The following RGS5 variants were observed in gnomAD, a reference collection of about 807,000 sequenced individuals.
The protein encoded by RGS5 is regulator of G-protein signalling 5.
In RGS5, 20 loss-of-function variants were observed where a neutral mutation model predicts 18.9. That is an observed-to-expected ratio of 1.06 (90% CI 0.74 to 1.54). The LOEUF (loss-of-function observed/expected upper bound fraction) is 1.54. RGS5 is among the 40% of genes most tolerant of loss of function. The pLI, the probability that RGS5 is intolerant of heterozygous loss-of-function variation, is 0.00. For synonymous variants in RGS5, 57 were observed against 76.2 expected (o/e 0.75, Z 1.31); for missense variants, 201 against 211.8 (o/e 0.95, Z 0.32).
Position 163,147,143 on chromosome 1 carries a change from T to C in RGS5, c.*199A>G. 2.4e-6 allele frequency: 1 copy of C among 414,584 alleles called. No individual in the cohort carries two copies. The highest frequency in any genetic ancestry group is 4.2e-6 in the Non-Finnish European group (1 of 238,496). 25.7% of individuals were successfully genotyped at this position (414,584 alleles called of 1,614,324 possible). ...TAATAACAGGGCAGGAAGAATTGAG[T>C]GGGGAAAGAAGGCCTTCGGACAGTA... On this transcript the variant is annotated 3_prime_UTR_variant, in exon 5 of 5. Transcript: ENST00000313961.
chr1:163,268,433 G>A lies in RGS5; in HGVS notation c.-281+37800C>T, dbSNP rs1429599497. ...CTCTGTTGACTATGTCTTATTTTCT[G>A]TATTCTTGATGCTCTTGCATTTAAG... is the stretch of plus-strand genomic sequence containing the variant. On this transcript the variant is annotated intron_variant, in intron 2 of 5. Transcript: ENST00000618415. 1.3e-5 allele frequency among the ~76,000 whole-genome samples: 2 copies of A among 152,042 alleles called. 1 individual carries two copies.
At chr1:163,290,403 T>C (rs749557075) in intron 2 of RGS5, among the ~76,000 whole-genome samples, 1 of 152,334 alleles carries the variant, frequency 6.6e-6, no homozygotes, top group Admixed American at 6.5e-5. Flanking sequence ...ACAAACAATA[T>C]CTGACCATTG....
At chr1:163,173,884 G>A (rs912780182) in intron 1 of RGS5, among the ~76,000 whole-genome samples, 2 of 152,192 alleles carry the variant, frequency 1.3e-5, no homozygotes, top group East Asian at 3.9e-4. Flanking sequence ...GACCAGCCTG[G>A]CCAAGATGGT....
At chr1:163,252,805 T>C (rs1181564076) in intron 2 of RGS5, among the ~76,000 whole-genome samples, 1 of 152,180 alleles carries the variant, frequency 6.6e-6, no homozygotes, top group Non-Finnish European at 1.5e-5. Flanking sequence ...AATGCCATTA[T>C]ATTGCTAACA....
At position 163,167,226 on chromosome 1, in the gene RGS5, A is replaced by G. The variant is rs148025814; in HGVS notation, c.155+1032T>C. ...CAATTTACACAAATATTCCATTTAA[A>G]AAGAGAAATGGAGGTTAAAGGGACT... On this transcript the variant is annotated intron_variant, in intron 2 of 4. Coordinates refer to ENST00000313961, the MANE Select transcript of RGS5 (RefSeq NM_003617.4). 5.5e-3 allele frequency among the ~76,000 whole-genome samples: 831 copies of G among 152,336 alleles called. 5 individuals are homozygous for G. The highest frequency in any genetic ancestry group is 0.019 in the African/African-American group (795 of 41,570).
intron 2 of RGS5, among the ~76,000 whole-genome samples, chr1:163,167,163 T>A (rs769490473): frequency 6.6e-6 from 1 of 152,180 alleles, no homozygotes; most frequent in African/African-American, 2.4e-5. Context: ...AATCCAGCTA[T>A]GGTAAGTTGA....
intron 2 of RGS5, among the ~76,000 whole-genome samples, chr1:163,266,022 C>T (rs115927366): frequency 0.017 from 2,636 of 152,214 alleles, 82 homozygotes; most frequent in African/African-American, 0.06. Flanking sequence ...AGCCCAACTG[C>T]CTACTGGACT....
rs140441654 is a variant in RGS5, at chr1:163,230,970, G to T, written c.-280-62602C>A. On this transcript the variant is annotated intron_variant, in intron 2 of 5. Transcript: ENST00000618415. Reference sequence around the variant, plus strand: ...TTTTCCCATTATTGATTATAAGATGGCAACACTAGACTTTAAATGGACTTT... The same window carrying T: ...TTTTCCCATTATTGATTATAAGATGTCAACACTAGACTTTAAATGGACTTT... 6.2e-4 allele frequency among the ~76,000 whole-genome samples: 94 copies of T among 151,940 alleles called. 1 individual carries two copies. The East Asian group carries it at 0.017, about 28-fold the overall frequency.
intron 2 of RGS5, among the ~76,000 whole-genome samples, chr1:163,222,754 G>A (rs1455574941): frequency 6.6e-6 from 1 of 152,154 alleles, no homozygotes; most frequent in South Asian, 2.1e-4. Flanking sequence ...TAAAGACAGG[G>A]GTTCTTTGTT....
At chr1:163,176,101 A>G (rs1177126400) in intron 1 of RGS5, among the ~76,000 whole-genome samples, 3 of 152,218 alleles carry the variant, frequency 2.0e-5, no homozygotes, top group Non-Finnish European at 4.4e-5. Context: ...ACGTTTATCT[A>G]TTATACCCTT....
intron 4 of RGS5, 82 bp downstream of exon 4, chr1:163,152,468 C>T (rs965903344): frequency 9.1e-6 from 13 of 1,424,584 alleles, no homozygotes; most frequent in African/African-American, 7.2e-5. Context: ...TGGCTCCCAA[C>T]GGGAGGTCTG....
chr1:163,269,225 G>A (rs557288674), intron 2 of RGS5, among the ~76,000 whole-genome samples: 230 of 152,166 alleles, frequency 1.5e-3, no homozygotes, highest in African/African-American at 5.2e-3. Flanking sequence ...ATATGAAAAG[G>A]GGTTAATAAA....
In RGS5 at chr1:163,186,360, C is replaced by T. The variant is rs185738841; in HGVS notation, c.44+16432G>A. On this transcript the variant is annotated intron_variant, in intron 1 of 4. Transcript: ENST00000313961. ...CTGGTATTACAGGCATGAGCCACTG[C>T]GCCCAGCCCCATTTCTTTTTAAAGA... is the stretch of plus-strand genomic sequence containing the variant. Among the ~76,000 whole-genome samples the T allele has an allele frequency of 2.8e-3, 427 of 152,040 alleles. 4 individuals carry two copies. Among genetic ancestry groups the T allele is most frequent in the Non-Finnish European group, 3.5e-3 (241 of 67,962 alleles).
chr1:163,214,191 A>C (rs1461944139), intron 1 of RGS5, among the ~76,000 whole-genome samples: 1 of 152,122 alleles, frequency 6.6e-6, no homozygotes, highest in Non-Finnish European at 1.5e-5. Flanking sequence ...TAATTTCACC[A>C]AGAAACTAAA....
chr1:163,318,411 T>TG (rs1482258304), intron 1 of RGS5, among the ~76,000 whole-genome samples: 2 of 151,878 alleles, frequency 1.3e-5, no homozygotes, highest in Non-Finnish European at 2.9e-5. Context: ...GCGGTGTAGG[T>TG]GGGGGTGGTA....
At chr1:163,224,466 C>T (rs925420761) in intron 2 of RGS5, among the ~76,000 whole-genome samples, 4 of 152,142 alleles carry the variant, frequency 2.6e-5, no homozygotes, top group Non-Finnish European at 5.9e-5. Context: ...TGAACATTTA[C>T]ATAGGTTCCA....
intron 2 of RGS5, among the ~76,000 whole-genome samples, chr1:163,227,119 C>T (rs1198701536): frequency 6.6e-6 from 1 of 152,186 alleles, no homozygotes; most frequent in Admixed American, 6.5e-5. Flanking sequence ...ATTCTTAATA[C>T]ACTCATCAGA....
At chr1:163,224,665 T>C (rs1403022036) in intron 2 of RGS5, among the ~76,000 whole-genome samples, 1 of 152,224 alleles carries the variant, frequency 6.6e-6, no homozygotes, top group Non-Finnish European at 1.5e-5. Flanking sequence ...ACCAACATTG[T>C]ATAAGAGTTC....
intron 1 of RGS5, among the ~76,000 whole-genome samples, chr1:163,209,694 T>C (rs992231971): frequency 2.0e-5 from 3 of 152,164 alleles, no homozygotes; most frequent in Non-Finnish European, 2.9e-5. Context: ...ATTAAGTGTA[T>C]ATTTTGATAC....
Sources: allele counts gnomAD v4.1 joint callset (sites outside exome capture counted in the v4.1 genomes callset), GRCh38; gene constraint gnomAD v4.1.1; transcripts MANE v1.5; gene names NCBI Gene and HGNC (gene_info 2026-07-23, HGNC 2026-07-21).